AGXT: variants seen among roughly 807,000 people sequenced by gnomAD.
AGXT encodes L-alanine: glyoxylate aminotransferase 1.
In AGXT, 41 loss-of-function variants were observed where a neutral mutation model predicts 46.9. The observed-to-expected ratio is 0.88, with a 90% CI of 0.68 to 1.14. The LOEUF (loss-of-function observed/expected upper bound fraction) is 1.14. AGXT is among the 50% of genes most tolerant of loss of function. The pLI is 0.00. For missense variants in AGXT, 525 were observed against 522.7 expected (o/e 1.00, Z -0.04); for synonymous variants, 244 against 227.9 (o/e 1.07, Z -0.64).
intron 6 of AGXT, among the ~76,000 whole-genome samples, chr2:240,874,410 C>T (rs535317071): frequency 3.3e-5 from 5 of 152,358 alleles, no homozygotes; most frequent in South Asian, 2.1e-4. Context: ...CAAGGGACAA[C>T]GTGGGCCACA....
At chr2:240,877,799 A>T (rs923428707) in intron 9 of AGXT, among the ~76,000 whole-genome samples, 167 bp downstream of exon 9, 6 of 152,148 alleles carry the variant, frequency 3.9e-5, no homozygotes, top group African/African-American at 1.2e-4. Flanking sequence ...ACGAAGTCAC[A>T]GCTCCCGGCC....
At chr2:240,872,939 C>T (rs1241906238) in intron 4 of AGXT, 40 bp from the exon 5 acceptor site, 2 of 1,575,878 alleles carry the variant, frequency 1.3e-6, no homozygotes, top group Non-Finnish European at 1.7e-6. Context: ...TGGCCCCCTG[C>T]CTCACCTGCT....
intron 3 of AGXT, 26 bp downstream of exon 3, chr2:240,870,734 G>A: frequency 6.4e-7 from 1 of 1,550,688 alleles, no homozygotes; most frequent in Non-Finnish European, 8.7e-7. Flanking sequence ...TGGGGGTCAG[G>A]GCCGGGAGGA....
chr2:240,875,321 C>A (rs1575710732), intron 7 of AGXT, 117 bp downstream of exon 7: 1 of 865,516 alleles, frequency 1.2e-6, no homozygotes, highest in Non-Finnish European at 1.8e-6. Context: ...GCCTCAAGAA[C>A]CCCAACTAGA....
rs776929752 is a variant in AGXT at position 240,869,009 on chromosome 2, C to T, written c.144C>T (p.Ser48=). The T allele has an allele frequency of 1.3e-6, 2 of 1,596,904 alleles. No homozygotes were observed. Among genetic ancestry groups the T allele is most frequent in the Non-Finnish European group, 1.7e-6 (2 of 1,179,344 alleles). Residue 48 remains serine (S), a synonymous_variant, in exon 1 of 11, where the codon TCC becomes TCT. Coordinates refer to ENST00000307503, the MANE Select transcript of AGXT (RefSeq NM_000030.3). ...CCGGGGGGCTGCAGATGATCGGGTC[C>T]ATGAGCAAGGATATGTACCAGGTAG... The part of the protein sequence containing the change: ...MAAGGLQMIG[S]MSKDMYQIMD...
Position 240,874,012 on chromosome 2 carries a change from C to G in AGXT, c.630C>G (p.Ala210=). The change falls in exon 6 of 11, where the codon GCC becomes GCG. Residue 210 remains alanine (A), a synonymous_variant. Transcript: ENST00000307503. ...IDILYSGSQK[A]LNAPPGTSLI... ...TCCTGTACTCGGGCTCCCAGAAGGCCCTGAACGCCCCTCCAGGGACCTCGC... is the reference window on the plus strand; with the variant it reads ...TCCTGTACTCGGGCTCCCAGAAGGCGCTGAACGCCCCTCCAGGGACCTCGC... The G allele has an allele frequency of 6.2e-7, 1 of 1,613,738 alleles. No individual in the cohort carries two copies. Among genetic ancestry groups the G allele is most frequent in the Non-Finnish European group, 8.5e-7 (1 of 1,180,016 alleles).
At chr2:240,873,566 G>A (rs77922965) in intron 5 of AGXT, 157 of 291,894 alleles carry the variant, frequency 5.4e-4, no homozygotes, top group African/African-American at 3.0e-3. Flanking sequence ...CATCCACTGC[G>A]GTGCCTGCCC....
At chr2:240,877,964 G>C in intron 9 of AGXT, 58 bp from the exon 10 acceptor site, 1 of 1,599,554 alleles carries the variant, frequency 6.3e-7, no homozygotes, top group Admixed American at 1.7e-5. Context: ...GCCAAGAGCT[G>C]TCACAAAGGC....
In AGXT at chr2:240,877,539, C is replaced by A; in HGVS notation, c.849C>A (p.Gly283=). 6.5e-7 allele frequency: 1 copy of A among 1,548,376 alleles called. No homozygotes were observed. The highest frequency in any genetic ancestry group is 1.2e-5 in the South Asian group (1 of 83,676). Residue 283 remains glycine, a splice_region_variant and synonymous_variant, in exon 9 of 11, where the codon GGC becomes GGA. Transcript: ENST00000307503. Reference sequence around the variant, plus strand: ...CACCAGCGCCATCTCCCACACAGGGCCTGGAGAACAGCTGGCGCCAGCACC... The same window carrying A: ...CACCAGCGCCATCTCCCACACAGGGACTGGAGAACAGCTGGCGCCAGCACC... ...RESLALIAEQ[G]LENSWRQHRE...
In AGXT at chr2:240,871,435, G is replaced by A. The variant is rs965707125; in HGVS notation, c.510G>A (p.Gly170=). ...TGVLQPLDGF[G]ELCHRYKCLL... Reference sequence around the variant, plus strand: ...TGCTGCAGCCCCTTGATGGCTTCGGGGAACTCTGCCACAGGTGAGCCTGGC... The same window carrying A: ...TGCTGCAGCCCCTTGATGGCTTCGGAGAACTCTGCCACAGGTGAGCCTGGC... The change falls in exon 4 of 11, where the codon GGG becomes GGA. Residue 170 remains glycine (G), a synonymous_variant. Coordinates refer to ENST00000307503, the MANE Select transcript of AGXT (RefSeq NM_000030.3). 3.1e-6 allele frequency: 5 copies of A among 1,592,076 alleles called. No individual in the cohort carries two copies. Among genetic ancestry groups the A allele is most frequent in the African/African-American group, 1.3e-5 (1 of 74,558 alleles).
rs1185153418 is a variant in AGXT at position 240,875,224 on chromosome 2, G to A, written c.776+20G>A. The A allele has an allele frequency of 6.3e-7, 1 of 1,588,994 alleles. No individual in the cohort carries two copies. The highest frequency in any genetic ancestry group is 1.1e-5 in the South Asian group (1 of 90,572). On this transcript the variant is annotated intron_variant, in intron 7 of 10. Transcript: ENST00000307503. The stretch of plus-strand genomic sequence containing the variant: ...CAGGATGTGAGGCCTGGCAGGGATG[G>A]GAAGGTGGAGGGCGCTGGGCATGGC...
chr2:240,869,114 C>G, intron 1 of AGXT, 56 bp from the exon 2 acceptor site: 1 of 1,185,922 alleles, frequency 8.4e-7, no homozygotes, highest in Non-Finnish European at 1.2e-6. Context: ...GGGTCACTGC[C>G]TCCTCACTTG....
chr2:240,876,977 C>T, intron 8 of AGXT: 1 of 241,182 alleles, frequency 4.1e-6, no homozygotes, highest in Non-Finnish European at 8.4e-6. Context: ...GAGTAGAGAG[C>T]AGCTGCTGCT....
At position 240,875,109 on chromosome 2, in the gene AGXT, AAAG is replaced by A. The variant is rs1553648979; in HGVS notation, c.686_688del (p.Lys229del). 4 of 1,609,844 alleles carry A rather than the reference AAAG, an allele frequency of 2.5e-6. No homozygotes were observed. The highest frequency in any genetic ancestry group is 3.4e-6 in the Non-Finnish European group (4 of 1,176,270). ...GCTCAGCCTGCTTCTTTCTCCCCAG[AAAG>A]AAGATGTACTCCCGCAAGACGAAGC... On this transcript the variant is annotated inframe_deletion and splice_region_variant, in exon 7 of 11. Transcript: ENST00000307503.
At chr2:240,875,268 C>A (rs2106430503) in intron 7 of AGXT, 64 bp downstream of exon 7, 1 of 1,348,734 alleles carries the variant, frequency 7.4e-7, no homozygotes, top group Non-Finnish European at 1.1e-6. Context: ...GGGGCGCTGG[C>A]CTCTCACTGC....
rs368496185 is a variant in AGXT at position 240,869,051 on chromosome 2, G to C, written c.165+21G>C. 5.2e-5 allele frequency: 84 copies of C among 1,611,434 alleles called. 1 individual carries two copies. The African/African-American group carries it at 1.0e-3, about 19-fold the overall frequency. ...ACCAGGTAGGAGTGGGGGTCACTCG[G>C]GGGGCCTGGGTCTCACCCATGTTCC... On this transcript the variant is annotated intron_variant, in intron 1 of 10. Coordinates refer to ENST00000307503, the MANE Select transcript of AGXT (RefSeq NM_000030.3).
chr2:240,877,564 C>T lies in AGXT; in HGVS notation c.874C>T (p.Arg292Cys), dbSNP rs1475929643. The T allele has an allele frequency of 1.0e-5, 16 of 1,550,272 alleles. No homozygotes were observed. The highest frequency in any genetic ancestry group is 5.9e-5 in the Admixed American group (3 of 50,948). The change falls in exon 9 of 11, where the codon CGC becomes TGC. Residue 292 changes from arginine (R) to cysteine (C), a missense_variant. Coordinates refer to ENST00000307503, the MANE Select transcript of AGXT (RefSeq NM_000030.3). The stretch of plus-strand genomic sequence containing the variant: ...CCTGGAGAACAGCTGGCGCCAGCAC[C>T]GCGAGGCCGCGGCGTATCTGCATGG... ...QGLENSWRQH[R>C]EAAAYLHGRL...
At position 240,878,810 on chromosome 2, in the gene AGXT, A is replaced by C. The variant is rs1338597379; in HGVS notation, c.1168A>C (p.Lys390Gln). 2 of 1,592,704 alleles carry C rather than the reference A, an allele frequency of 1.3e-6. No homozygotes were observed. Among genetic ancestry groups the C allele is most frequent in the African/African-American group, 2.7e-5 (2 of 74,864 alleles). The change falls in exon 11 of 11, where the codon AAG becomes CAG. Residue 390 changes from lysine (K) to glutamine (Q), a missense_variant. Lys to Gln is a moderately conservative substitution (Grantham distance 53). Coordinates refer to ENST00000307503, the MANE Select transcript of AGXT (RefSeq NM_000030.3). The stretch of plus-strand genomic sequence containing the variant: ...GGCGGCCCTGCAGCACTGCCCCAAG[A>C]AGAAGCTGTGACCTGCCCACTGGCA... ...LRAALQHCPK[K>Q]KL
At position 240,875,170 on chromosome 2, in the gene AGXT, G is replaced by T. The variant is rs180177260; in HGVS notation, c.742G>T (p.Ala248Ser). The T allele has an allele frequency of 6.0e-5, 97 of 1,613,852 alleles. No individual in the cohort carries two copies. Among genetic ancestry groups the T allele is most frequent in the Non-Finnish European group, 8.1e-5 (95 of 1,179,862 alleles). ...CTTCTACCTGGACATCAAGTGGCTG[G>T]CCAACTTCTGGGGCTGTGACGACCA... ...FSFYLDIKWL[A>S]NFWGCDDQPR... Residue 248 changes from alanine to serine, a missense_variant, in exon 7 of 11, where the codon GCC (alanine) becomes TCC (serine). By Grantham distance (99) the Ala-to-Ser change is moderately conservative. Coordinates refer to ENST00000307503, the MANE Select transcript of AGXT (RefSeq NM_000030.3).
Sources: allele counts gnomAD v4.1 joint callset (sites outside exome capture counted in the v4.1 genomes callset), GRCh38; gene constraint gnomAD v4.1.1; transcripts MANE v1.5; gene names NCBI Gene and HGNC (gene_info 2026-07-23, HGNC 2026-07-21).